ZNF600: variants seen among roughly 807,000 people sequenced by gnomAD.
ZNF600 encodes zinc finger protein 600.
Under a neutral mutation model 7.3 loss-of-function variants are expected in ZNF600, and 4 were observed. The observed-to-expected ratio is 0.55, with a 90% confidence interval of 0.27 to 1.25. The LOEUF is 1.25. Among genes scored for constraint, ZNF600 ranks in the 50% most tolerant of loss-of-function variants. The pLI is 0.12. For synonymous variants in ZNF600, 290 were observed against 308.9 expected (o/e 0.94, Z 0.64); for missense variants, 911 against 922.1 (o/e 0.99, Z 0.16).
chr19:52,817,349 A>G, the ZNF600 span, among the ~76,000 whole-genome samples: 1 of 152,108 alleles, frequency 6.6e-6, no homozygotes, highest in Non-Finnish European at 1.5e-5. Context: ...TCCAGCCTGG[A>G]TAACAAGAGT....
the ZNF600 span, among the ~76,000 whole-genome samples, chr19:52,794,073 A>T: frequency 6.6e-6 from 1 of 151,786 alleles, no homozygotes; most frequent in Non-Finnish European, 1.5e-5. Context: ...CCCAGCAGAG[A>T]GCTGAGGAGA....
intron 1 of ZNF600, among the ~76,000 whole-genome samples, chr19:52,782,645 G>A (rs536684954): frequency 6.6e-6 from 1 of 152,284 alleles, no homozygotes; most frequent in South Asian, 2.1e-4. Context: ...AGGCCGAGGC[G>A]GGTGGATTAC....
At chr19:52,796,361 G>A in the ZNF600 span, among the ~76,000 whole-genome samples, 4 of 152,074 alleles carry the variant, frequency 2.6e-5, no homozygotes, top group African/African-American at 4.8e-5. Context: ...ACATTGTTCC[G>A]GTCTGGAAAG....
At chr19:52,808,509 T>C in the ZNF600 span, among the ~76,000 whole-genome samples, 1 of 152,042 alleles carries the variant, frequency 6.6e-6, no homozygotes, top group Non-Finnish European at 1.5e-5. Flanking sequence ...CAGTGACACA[T>C]GTCTGTAATC....
chr19:52,783,415 G>A (rs569041885), intron 1 of ZNF600, among the ~76,000 whole-genome samples: 80 of 152,250 alleles, frequency 5.3e-4, no homozygotes, highest in Non-Finnish European at 4.7e-4. Context: ...AGGCTGGAGG[G>A]CAGTGGCGCG....
chr19:52,793,689 C>T, the ZNF600 span, among the ~76,000 whole-genome samples: 128 of 147,816 alleles, frequency 8.7e-4, no homozygotes, highest in African/African-American at 3.3e-3. Context: ...ATCGCTTGAA[C>T]CCGGAAGAAG....
chr19:52,789,180 C>T (rs1183451858), upstream of ZNF600, among the ~76,000 whole-genome samples: 4 of 152,152 alleles, frequency 2.6e-5, no homozygotes, highest in African/African-American at 4.8e-5. Context: ...TTGTCACTTG[C>T]AGCTGAGTGG....
chr19:52,792,854 T>A, the ZNF600 span, among the ~76,000 whole-genome samples: 1 of 151,862 alleles, frequency 6.6e-6, no homozygotes, highest in Non-Finnish European at 1.5e-5. Flanking sequence ...TGCCTCAGCC[T>A]CCCGAGTAGC....
At chr19:52,830,916 C>T in the ZNF600 span, among the ~76,000 whole-genome samples, 531 of 126,596 alleles carry the variant, frequency 4.2e-3, 76 homozygotes, top group African/African-American at 0.014. Flanking sequence ...ATCTTGAGCT[C>T]GGAGGAAAGT....
chr19:52,798,812 G>T, the ZNF600 span: 1 of 843,346 alleles, frequency 1.2e-6, no homozygotes, highest in Non-Finnish European at 1.9e-6. Flanking sequence ...TGCAATGGTT[G>T]TAGCATTACT....
the ZNF600 span, among the ~76,000 whole-genome samples, chr19:52,819,167 A>G: frequency 7.2e-6 from 1 of 138,380 alleles, no homozygotes; most frequent in African/African-American, 2.8e-5. Flanking sequence ...AGATGAGGGT[A>G]AGCTCCCAGG....
At chr19:52,817,266 G>A in the ZNF600 span, among the ~76,000 whole-genome samples, 98 of 152,178 alleles carry the variant, frequency 6.4e-4, no homozygotes, top group Middle Eastern at 3.4e-3. Context: ...CAGCTACTCG[G>A]GAGGCTGAGG....
chr19:52,774,712 A>G lies in ZNF600; in HGVS notation c.64-11T>C. ...GAAAGTCAAGCGTCCCTAAAATGAA[A>G]CACACATTTCCACAAAACATTATGG... On this transcript the variant is annotated splice_polypyrimidine_tract_variant and intron_variant, in intron 2 of 3. Transcript: ENST00000648973. The G allele has an allele frequency of 3.0e-6, 3 of 985,414 alleles. No homozygotes were observed. The South Asian group carries it at 1.4e-4, about 46-fold the overall frequency. 61.0% of individuals were successfully genotyped at this position (985,414 alleles called of 1,614,324 possible). A position where few individuals can be genotyped will look rare whatever the true frequency, so the allele number is the denominator to read the frequency against.
At chr19:52,800,543 A>G in the ZNF600 span, 6 of 1,613,422 alleles carry the variant, frequency 3.7e-6, no homozygotes, top group Admixed American at 1.0e-4. Flanking sequence ...GCTTCTCTCC[A>G]GTGTGAATTA....
chr19:52,775,036 T>G (rs1416784994), intron 2 of ZNF600, among the ~76,000 whole-genome samples: 1 of 152,024 alleles, frequency 6.6e-6, no homozygotes, highest in Non-Finnish European at 1.5e-5. Context: ...TGTCAAGAGT[T>G]CGAGACCACC....
chr19:52,768,067 A>G (rs1359335426), intron 3 of ZNF600, among the ~76,000 whole-genome samples: 3 of 152,092 alleles, frequency 2.0e-5, no homozygotes, highest in Admixed American at 2.0e-4. Context: ...GTGTATCACA[A>G]TTTGCAAAAA....
At chr19:52,778,840 T>C (rs1213945608) in exon 2 of ZNF600, 1 of 1,607,852 alleles carries the variant, frequency 6.2e-7, no homozygotes, top group African/African-American at 1.3e-5. Flanking sequence ...GGAAGAGCCA[T>C]GCCTGGCTCC....
At chr19:52,770,288 A>T (rs1328933021) in intron 3 of ZNF600, among the ~76,000 whole-genome samples, 1 of 152,100 alleles carries the variant, frequency 6.6e-6, no homozygotes, top group Non-Finnish European at 1.5e-5. Context: ...AAGAATACAA[A>T]AAAAACAGCT....
chr19:52,768,604 G>C (rs1171659224), intron 3 of ZNF600, among the ~76,000 whole-genome samples: 2 of 151,728 alleles, frequency 1.3e-5, no homozygotes, highest in Non-Finnish European at 2.9e-5. Context: ...GGAGTGCCAT[G>C]GCATGATCTC....
Sources: allele counts gnomAD v4.1 joint callset (sites outside exome capture counted in the v4.1 genomes callset), GRCh38; gene constraint gnomAD v4.1.1; transcripts MANE v1.5; gene names NCBI Gene and HGNC (gene_info 2026-07-23, HGNC 2026-07-21).